RASL11A: variants seen among roughly 807,000 people sequenced by gnomAD.
The protein encoded by RASL11A is RAS like family 11 member A, also known as ras-like protein family member 11A.
In RASL11A, 14 loss-of-function variants were observed where a neutral mutation model predicts 17.1. The ratio of observed to expected loss-of-function variants is 0.82; its 90% CI spans 0.54 to 1.28. The LOEUF is 1.28. Ranked by LOEUF, RASL11A falls within the 50% of genes most tolerant of loss-of-function variation. The pLI is 0.00. For missense variants in RASL11A, 283 were observed against 312.3 expected (o/e 0.91, Z 0.71); for synonymous variants, 146 against 132.5 (o/e 1.10, Z -0.70).
rs1326642298 is a variant in RASL11A at position 27,273,331 on chromosome 13, T to C, written c.566T>C (p.Phe189Ser). 1 of 1,614,222 alleles carries C rather than the reference T, an allele frequency of 6.2e-7. No individual in the cohort carries two copies. The change falls in exon 4 of 4, where the codon TTT (phenylalanine) becomes TCT (serine). Residue 189 changes from phenylalanine (F) to serine (S), a missense_variant. By Grantham distance (155) the Phe-to-Ser change is radical. Transcript: ENST00000241463. ...SENYEDVCDVFQHLCKEVSKM... is the reference protein window; with the variant it reads ...SENYEDVCDVSQHLCKEVSKM... ...AACTACGAAGATGTCTGTGATGTGT[T>C]TCAGCATCTCTGCAAAGAAGTGAGC...
Position 27,271,622 on chromosome 13 carries a change from TC to T in RASL11A, c.182-16del. The T allele has an allele frequency of 6.2e-7, 1 of 1,613,930 alleles. No individual in the cohort carries two copies. Among genetic ancestry groups the T allele is most frequent in the Non-Finnish European group, 8.5e-7 (1 of 1,179,812 alleles). ...GGAGTTTGAGAATTAAAAAGCAAAC[TC>T]TACTTCATTCTCCAGGCAAGCTGTA... is the stretch of plus-strand genomic sequence containing the variant. On this transcript the variant is annotated splice_polypyrimidine_tract_variant and intron_variant, in intron 2 of 3. Coordinates refer to ENST00000241463, the MANE Select transcript of RASL11A (RefSeq NM_206827.2).
In RASL11A at chr13:27,270,839, C is replaced by T. The variant is rs1018284001; in HGVS notation, c.-106C>T. On this transcript the variant is annotated 5_prime_UTR_variant, in exon 1 of 4. Coordinates refer to ENST00000241463, the MANE Select transcript of RASL11A (RefSeq NM_206827.2). ...GCCTTGACAGTTCTGCAGGCAGCCG[C>T]CGCGGTCCCGGACCTCTAGTCCCGC... 8.3e-6 allele frequency: 12 copies of T among 1,444,150 alleles called. No homozygotes were observed. The highest frequency in any genetic ancestry group is 1.4e-5 in the South Asian group (1 of 73,970). The allele number at this position is 1,444,150 out of a possible 1,614,324, so 89.5% of individuals were successfully genotyped here. A position where few individuals can be genotyped will look rare whatever the true frequency, so the allele number is the denominator to read the frequency against.
At chr13:27,272,358 C>G (rs1882320781) in intron 3 of RASL11A, among the ~76,000 whole-genome samples, 1 of 152,170 alleles carries the variant, frequency 6.6e-6, no homozygotes, top group African/African-American at 2.4e-5. Context: ...GTCTCGAACT[C>G]CTGACCTCAA....
chr13:27,270,860 C>G lies in RASL11A; in HGVS notation c.-85C>G, dbSNP rs552676458. On this transcript the variant is annotated 5_prime_UTR_variant, in exon 1 of 4. Coordinates refer to ENST00000241463, the MANE Select transcript of RASL11A (RefSeq NM_206827.2). Reference sequence around the variant, plus strand: ...GCCGCCGCGGTCCCGGACCTCTAGTCCCGCACTCCCAGCTGGCGAGCCGGC... The same window carrying G: ...GCCGCCGCGGTCCCGGACCTCTAGTGCCGCACTCCCAGCTGGCGAGCCGGC... The G allele has an allele frequency of 3.3e-6, 5 of 1,513,730 alleles. No individual in the cohort carries two copies. In the East Asian group the frequency reaches 1.0e-4, roughly 31 times the overall value. 93.8% of individuals were successfully genotyped at this position (1,513,730 alleles called of 1,614,324 possible).
chr13:27,272,199 C>G (rs1882313799), intron 3 of RASL11A, among the ~76,000 whole-genome samples: 1 of 152,202 alleles, frequency 6.6e-6, no homozygotes, highest in Admixed American at 6.5e-5. Context: ...ACTGCAACTT[C>G]CGCCTCCTAG....
chr13:27,273,817 G>C lies in RASL11A; in HGVS notation c.*323G>C. The C allele has an allele frequency of 8.6e-6, 2 of 233,458 alleles. No homozygotes were observed. Among genetic ancestry groups the C allele is most frequent in the Non-Finnish European group, 1.6e-5 (2 of 122,112 alleles). The allele number at this position is 233,458 out of a possible 1,614,324, so 14.5% of individuals were successfully genotyped here. A position where few individuals can be genotyped will look rare whatever the true frequency, so the allele number is the denominator to read the frequency against. On this transcript the variant is annotated 3_prime_UTR_variant, in exon 4 of 4. Coordinates refer to ENST00000241463, the MANE Select transcript of RASL11A (RefSeq NM_206827.2). ...TTATAGAAATTGTACTTGCACCAGC[G>C]CCCAGTGCTGCTCCATGCTTGCCCT...
intron 3 of RASL11A, among the ~76,000 whole-genome samples, chr13:27,271,995 G>A (rs1214851627): frequency 6.6e-6 from 1 of 152,076 alleles, no homozygotes; most frequent in African/African-American, 2.4e-5. Flanking sequence ...TACTTAAGCA[G>A]GTCTCACCAT....
At position 27,273,577 on chromosome 13, in the gene RASL11A, T is replaced by C. The variant is rs1454882786; in HGVS notation, c.*83T>C. ...GGCTTCTCGCTTTTTAATCACACATTCAGAGTTTATTTTTATAAAAAAATT... is the reference window on the plus strand; with the variant it reads ...GGCTTCTCGCTTTTTAATCACACATCCAGAGTTTATTTTTATAAAAAAATT... On this transcript the variant is annotated 3_prime_UTR_variant, in exon 4 of 4. Transcript: ENST00000241463. 2 of 1,012,050 alleles carry C rather than the reference T, an allele frequency of 2.0e-6. No individual in the cohort carries two copies. The highest frequency in any genetic ancestry group is 3.3e-5 in the African/African-American group (2 of 61,142). The allele number at this position is 1,012,050 out of a possible 1,614,324, so 62.7% of individuals were successfully genotyped here.
Position 27,273,100 on chromosome 13 carries a change from T to C in RASL11A, c.335T>C (p.Val112Ala). ...CAGTGGGCCGAGGGTTTTCTGCTGG[T>C]CTATTCCATCACAGACTATGACAGC... ...CVQWAEGFLL[V>A]YSITDYDSYL... The change falls in exon 4 of 4, where the codon GTC becomes GCC. Residue 112 changes from valine to alanine, a missense_variant. Coordinates refer to ENST00000241463, the MANE Select transcript of RASL11A (RefSeq NM_206827.2). 1 of 1,614,184 alleles carries C rather than the reference T, an allele frequency of 6.2e-7. No homozygotes were observed. The highest frequency in any genetic ancestry group is 8.5e-7 in the Non-Finnish European group (1 of 1,180,016).
chr13:27,273,690 CTTTTTTTTTTTTTT>C lies in RASL11A; in HGVS notation c.*213_*226del, dbSNP rs11304490. The C allele has an allele frequency of 2.6e-4, 19 of 72,508 alleles. No individual in the cohort carries two copies. The highest frequency in any genetic ancestry group is 1.5e-3 in the South Asian group (6 of 3,992). 4.5% of individuals were successfully genotyped at this position (72,508 alleles called of 1,614,324 possible). On this transcript the variant is annotated 3_prime_UTR_variant, in exon 4 of 4. Coordinates refer to ENST00000241463, the MANE Select transcript of RASL11A (RefSeq NM_206827.2). ...ATTTTGTTTTGTTTTATTAAAAGAACTTTTTTTTTTTTTTTTTTTTTTTTTTTTTTACTGTAACT... is the reference window on the plus strand; with the variant it reads ...ATTTTGTTTTGTTTTATTAAAAGAACTTTTTTTTTTTTTTTTACTGTAACT...
rs11304490 is a variant in RASL11A at position 27,273,690 on chromosome 13, C to CTTTTTTTTTTTTTT, written c.*213_*226dup. 1 of 69,808 alleles carries CTTTTTTTTTTTTTT rather than the reference C, an allele frequency of 1.4e-5. No individual in the cohort carries two copies. Among genetic ancestry groups the CTTTTTTTTTTTTTT allele is most frequent in the Non-Finnish European group, 2.6e-5 (1 of 38,446 alleles). 4.3% of individuals were successfully genotyped at this position (69,808 alleles called of 1,614,324 possible). ...ATTTTGTTTTGTTTTATTAAAAGAACTTTTTTTTTTTTTTTTTTTTTTTTT... is the reference window on the plus strand; with the variant it reads ...ATTTTGTTTTGTTTTATTAAAAGAACTTTTTTTTTTTTTTTTTTTTTTTTTTTTTTTTTTTTTTT... On this transcript the variant is annotated 3_prime_UTR_variant, in exon 4 of 4. Transcript: ENST00000241463.
rs966071819 is a variant in RASL11A at position 27,273,615 on chromosome 13, C to T, written c.*121C>T. ...TTATAAAAAAATTGATTTTCAAGTA[C>T]ATGTGTATTTCTGAAAATTCAAACA... On this transcript the variant is annotated 3_prime_UTR_variant, in exon 4 of 4. Coordinates refer to ENST00000241463, the MANE Select transcript of RASL11A (RefSeq NM_206827.2). 4 of 656,996 alleles carry T rather than the reference C, an allele frequency of 6.1e-6. No individual in the cohort carries two copies. In the Admixed American group the frequency reaches 1.4e-4, roughly 23 times the overall value. The allele number at this position is 656,996 out of a possible 1,614,324, so 40.7% of individuals were successfully genotyped here.
rs1882370084 is a variant in RASL11A at position 27,273,490 on chromosome 13, G to A, written c.725G>A (p.Gly242Glu). The A allele has an allele frequency of 6.2e-7, 1 of 1,612,868 alleles. No individual in the cohort carries two copies. Among genetic ancestry groups the A allele is most frequent in the Non-Finnish European group, 8.5e-7 (1 of 1,179,350 alleles). Reference protein sequence around the residue: ...SPKVKAPSALG With the variant: ...SPKVKAPSALE ...AAAGTCAAAGCCCCCTCTGCACTGG[G>A]GTGAACTATCTCAGACAGATGCCTC... Residue 242 changes from glycine (G) to glutamate (E), a missense_variant, in exon 4 of 4, where the codon GGG (glycine) becomes GAG (glutamate). Coordinates refer to ENST00000241463, the MANE Select transcript of RASL11A (RefSeq NM_206827.2).
rs1882348558 is a variant in RASL11A at position 27,273,118 on chromosome 13, A to G, written c.353A>G (p.Tyr118Cys). 2 of 1,614,170 alleles carry G rather than the reference A, an allele frequency of 1.2e-6. No individual in the cohort carries two copies. Among genetic ancestry groups the G allele is most frequent in the South Asian group, 2.2e-5 (2 of 91,082 alleles). ...GFLLVYSITD[Y>C]DSYLSIRPLY... ...CTGCTGGTCTATTCCATCACAGACT[A>G]TGACAGCTACTTGTCCATCCGACCC... The change falls in exon 4 of 4, where the codon TAT becomes TGT. Residue 118 changes from tyrosine to cysteine, a missense_variant. Coordinates refer to ENST00000241463, the MANE Select transcript of RASL11A (RefSeq NM_206827.2).
Position 27,273,619 on chromosome 13 carries a change from T to A in RASL11A, c.*125T>A. 1.4e-6 allele frequency: 1 copy of A among 706,056 alleles called. No individual in the cohort carries two copies. Among genetic ancestry groups the A allele is most frequent in the Non-Finnish European group, 2.2e-6 (1 of 456,832 alleles). 43.7% of individuals were successfully genotyped at this position (706,056 alleles called of 1,614,324 possible). A position where few individuals can be genotyped will look rare whatever the true frequency, so the allele number is the denominator to read the frequency against. ...AAAAAAATTGATTTTCAAGTACATG[T>A]GTATTTCTGAAAATTCAAACAGTGA... On this transcript the variant is annotated 3_prime_UTR_variant, in exon 4 of 4. Transcript: ENST00000241463.
rs1289998854 is a variant in RASL11A, at chr13:27,274,927, C to T, written c.*1433C>T. 2.0e-5 allele frequency among the ~76,000 whole-genome samples: 3 copies of T among 152,224 alleles called. No homozygotes were observed. Among genetic ancestry groups the T allele is most frequent in the Non-Finnish European group, 2.9e-5 (2 of 68,030 alleles). The stretch of plus-strand genomic sequence containing the variant: ...GAGATTACCATGAAACAAATTGTTA[C>T]TTCTGCAGGGCAAGGACAGGTGTTC... On this transcript the variant is annotated 3_prime_UTR_variant, in exon 4 of 4. Transcript: ENST00000241463.
chr13:27,271,789 C>A, intron 3 of RASL11A, 71 bp downstream of exon 3: 1 of 1,328,496 alleles, frequency 7.5e-7, no homozygotes, highest in Non-Finnish European at 1.1e-6. Context: ...GCACGTAGGG[C>A]GCCCATGCTG....
At position 27,273,531 on chromosome 13, in the gene RASL11A, A is replaced by G. The variant is rs557403800; in HGVS notation, c.*37A>G. 7.3e-6 allele frequency: 11 copies of G among 1,502,258 alleles called. No homozygotes were observed. Among genetic ancestry groups the G allele is most frequent in the South Asian group, 1.2e-5 (1 of 86,328 alleles). 93.1% of individuals were successfully genotyped at this position (1,502,258 alleles called of 1,614,324 possible). A position where few individuals can be genotyped will look rare whatever the true frequency, so the allele number is the denominator to read the frequency against. ...CAGATGCCTCTCCTTTTTAATACGC[A>G]TTTGTGCAGCTAAAAGACTGGGCTT... On this transcript the variant is annotated 3_prime_UTR_variant, in exon 4 of 4. Coordinates refer to ENST00000241463, the MANE Select transcript of RASL11A (RefSeq NM_206827.2).
rs567654605 is a variant in RASL11A at position 27,275,168 on chromosome 13, A to G, written c.*1674A>G. Among the ~76,000 whole-genome samples the G allele has an allele frequency of 6.6e-6, 1 of 152,318 alleles. No individual in the cohort carries two copies. The highest frequency in any genetic ancestry group is 2.1e-4 in the South Asian group (1 of 4,824). On this transcript the variant is annotated 3_prime_UTR_variant, in exon 4 of 4. Coordinates refer to ENST00000241463, the MANE Select transcript of RASL11A (RefSeq NM_206827.2). Reference sequence around the variant, plus strand: ...TAAAAGAGTGTCCAAATAAAATATTAATTTGGATTCCATCTTTTAAAAAAT... The same window carrying G: ...TAAAAGAGTGTCCAAATAAAATATTGATTTGGATTCCATCTTTTAAAAAAT...
Sources: gnomAD v4.1 joint callset for allele counts (sites outside exome capture counted in the v4.1 genomes callset) on GRCh38, gnomAD v4.1.1 for gene constraint, MANE v1.5 for transcripts, NCBI Gene and HGNC (gene_info 2026-07-23, HGNC 2026-07-21) for gene names.